The following DNM3 variants were observed in gnomAD, a reference collection of about 807,000 sequenced individuals.
The protein encoded by DNM3 is dynamin 3, also known as dynamin-3.
In DNM3, 47 loss-of-function variants were observed where a neutral mutation model predicts 101.6. The ratio of observed to expected loss-of-function variants is 0.46; its 90% CI spans 0.37 to 0.59. DNM3 has a LOEUF of 0.59. Ranked by LOEUF, DNM3 falls within the 20% of genes least tolerant of loss-of-function variation. The pLI is 0.00. For synonymous variants in DNM3, 385 were observed against 387.9 expected, an observed-to-expected ratio of 0.99 and a Z score of 0.09; for missense variants, 849 against 1,085.7, an observed-to-expected ratio of 0.78 and a Z score of 3.06.
intron 14 of DNM3, among the ~76,000 whole-genome samples, chr1:172,163,956 T>C (rs66518209): frequency 0.1 from 15,180 of 147,148 alleles, 780 homozygotes; most frequent in Non-Finnish European, 0.12. Flanking sequence ...TACATATATA[T>C]ACACACACAC....
At chr1:171,900,193 G>A (rs2038180261) in intron 1 of DNM3, among the ~76,000 whole-genome samples, 1 of 152,160 alleles carries the variant, frequency 6.6e-6, no homozygotes, top group Non-Finnish European at 1.5e-5. Context: ...AAACAAGGAG[G>A]GACAGATTCA....
At chr1:172,004,069 A>C (rs1039163205) in intron 4 of DNM3, among the ~76,000 whole-genome samples, 1 of 152,050 alleles carries the variant, frequency 6.6e-6, no homozygotes, top group Non-Finnish European at 1.5e-5. Flanking sequence ...AAAAGTGGGC[A>C]AAAGAGTTGA....
At chr1:172,107,774 G>C (rs1032522773) in intron 13 of DNM3, among the ~76,000 whole-genome samples, 5 of 152,130 alleles carry the variant, frequency 3.3e-5, no homozygotes, top group Admixed American at 3.3e-4. Context: ...TAAATCCTCT[G>C]AAAATAAATA....
chr1:172,008,015 A>G (rs1324111577), intron 4 of DNM3, among the ~76,000 whole-genome samples: 1 of 151,980 alleles, frequency 6.6e-6, no homozygotes, highest in African/African-American at 2.4e-5. Flanking sequence ...TTTGAGAAAC[A>G]TCTATTCGGG....
chr1:172,324,494 A>G (rs1227682360), intron 17 of DNM3, among the ~76,000 whole-genome samples: 1 of 152,320 alleles, frequency 6.6e-6, no homozygotes, highest in East Asian at 1.9e-4. Flanking sequence ...AAGTAATAAT[A>G]TATAATAAAG....
chr1:172,197,656 A>T (rs1459488967), intron 14 of DNM3, among the ~76,000 whole-genome samples: 1 of 151,768 alleles, frequency 6.6e-6, no homozygotes, highest in African/African-American at 2.4e-5. Context: ...TAGGTATTTT[A>T]TTCTTTTTGT....
rs909676024 is a variant in DNM3, at chr1:172,271,110, A to G, written c.1769+17428A>G. 3.3e-5 allele frequency among the ~76,000 whole-genome samples: 5 copies of G among 152,172 alleles called. 1 individual carries two copies. The highest frequency in any genetic ancestry group is 3.3e-4 in the Admixed American group (5 of 15,258). The stretch of plus-strand genomic sequence containing the variant: ...TCACTCTTAAAAATTGTTGAAGACC[A>G]CAAAGAGCTTTTGTTTATGTGGACT... On this transcript the variant is annotated intron_variant, in intron 15 of 20. Coordinates refer to ENST00000627582, the MANE Select transcript of DNM3 (RefSeq NM_015569.5).
chr1:171,996,492 C>T (rs547582662), intron 4 of DNM3, among the ~76,000 whole-genome samples: 4 of 152,174 alleles, frequency 2.6e-5, no homozygotes, highest in South Asian at 2.1e-4. Flanking sequence ...GGTATAGCCC[C>T]TCCTCTCCTC....
At chr1:172,220,489 G>C (rs981714064) in intron 14 of DNM3, among the ~76,000 whole-genome samples, 1 of 152,154 alleles carries the variant, frequency 6.6e-6, no homozygotes. Context: ...AGTGCACATG[G>C]GGGAGGCAGT....
intron 2 of DNM3, among the ~76,000 whole-genome samples, 180 bp downstream of exon 2, chr1:171,922,001 A>C (rs984887501): frequency 8.5e-5 from 13 of 152,102 alleles, no homozygotes; most frequent in Admixed American, 7.9e-4. Context: ...TGATTACATT[A>C]AAGGGGATAT....
At chr1:172,280,553 T>G (rs1307494312) in intron 15 of DNM3, among the ~76,000 whole-genome samples, 3 of 152,170 alleles carry the variant, frequency 2.0e-5, no homozygotes, top group African/African-American at 7.2e-5. Context: ...AGTTTTAAGC[T>G]TCAACCGATT....
In DNM3 at chr1:172,038,479, T is replaced by G. The variant is rs768979509; in HGVS notation, c.992+18T>G. 6.2e-7 allele frequency: 1 copy of G among 1,607,048 alleles called. No homozygotes were observed. The highest frequency in any genetic ancestry group is 1.1e-5 in the South Asian group (1 of 89,496). ...TTGCTGCAGTAGGTCACCTTTCCCT[T>G]CCTTGGCTCAGCATTTTAATCTAAT... is the stretch of plus-strand genomic sequence containing the variant. On this transcript the variant is annotated intron_variant, in intron 7 of 20. Coordinates refer to ENST00000627582, the MANE Select transcript of DNM3 (RefSeq NM_015569.5).
chr1:172,007,945 T>C (rs1001950448), intron 4 of DNM3, among the ~76,000 whole-genome samples: 1 of 152,038 alleles, frequency 6.6e-6, no homozygotes, highest in Non-Finnish European at 1.5e-5. Context: ...TGCATTTCCC[T>C]GATAATTATT....
At chr1:171,898,148 G>A (rs74126528) in intron 1 of DNM3, among the ~76,000 whole-genome samples, 17,551 of 152,122 alleles carry the variant, frequency 0.12, 1,198 homozygotes, top group South Asian at 0.23. Context: ...ACATTTTATG[G>A]ATGGAAATAA....
intron 17 of DNM3, among the ~76,000 whole-genome samples, chr1:172,351,353 T>C (rs1049927445): frequency 6.6e-5 from 10 of 152,160 alleles, no homozygotes; most frequent in African/African-American, 2.4e-4. Context: ...GAATAATTGA[T>C]GGTTTTCTCC....
intron 11 of DNM3, among the ~76,000 whole-genome samples, chr1:172,069,966 G>A (rs1223599465): frequency 6.6e-6 from 1 of 152,170 alleles, no homozygotes; most frequent in African/African-American, 2.4e-5. Flanking sequence ...CAGAGTGTGC[G>A]TGGGGAAGAG....
chr1:172,301,778 G>A (rs1192340622), intron 15 of DNM3, among the ~76,000 whole-genome samples: 1 of 152,072 alleles, frequency 6.6e-6, no homozygotes, highest in African/African-American at 2.4e-5. Context: ...TGATATAACA[G>A]TAAGTGAAAA....
At chr1:172,274,938 A>G (rs1297813091) in intron 15 of DNM3, among the ~76,000 whole-genome samples, 1 of 151,754 alleles carries the variant, frequency 6.6e-6, no homozygotes. Context: ...CCAACTGCTT[A>G]CTCTTTGTTT....
At chr1:172,252,025 G>A (rs1005750433) in intron 14 of DNM3, among the ~76,000 whole-genome samples, 1 of 152,044 alleles carries the variant, frequency 6.6e-6, no homozygotes, top group Non-Finnish European at 1.5e-5. Flanking sequence ...ATATTCTTGT[G>A]TTTGATAATA....
Sources: allele counts gnomAD v4.1 joint callset (sites outside exome capture counted in the v4.1 genomes callset), GRCh38; gene constraint gnomAD v4.1.1; transcripts MANE v1.5; gene names NCBI Gene and HGNC (gene_info 2026-07-23, HGNC 2026-07-21).